The following TNN variants were observed in gnomAD, a reference collection of about 807,000 sequenced individuals.
TNN encodes the protein tenascin N, also known as tenascin-N.
Under a neutral mutation model 134.4 loss-of-function variants are expected in TNN, and 122 were observed. The observed-to-expected ratio is 0.91, with a 90% CI of 0.78 to 1.06. The LOEUF is 1.06. Among genes scored for constraint, TNN ranks in the 50% least tolerant of loss-of-function variants. The probability of loss-of-function intolerance (pLI) is 0.00; values close to 1 mark genes in which losing one functional copy is unlikely to be tolerated. For missense variants in TNN, 1,739 were observed against 1,699.4 expected, an observed-to-expected ratio of 1.02 and a Z score of -0.41; for synonymous variants, 710 against 670.3, an observed-to-expected ratio of 1.06 and a Z score of -0.91.
At chr1:175,087,797 A>T (rs4650697) in intron 6 of TNN, among the ~76,000 whole-genome samples, 1 of 152,010 alleles carries the variant, frequency 6.6e-6, no homozygotes, top group Non-Finnish European at 1.5e-5. Context: ...CACAGTCCCC[A>T]GGTTAGGACC....
Position 175,079,435 on chromosome 1 carries a change from G to T in TNN, c.512G>T (p.Cys171Phe). ...REGPACERLA[C>F]PGACSGHGRC... ...GGCCCCGCCTGCGAGCGGCTGGCCT[G>T]CCCCGGGGCGTGCAGCGGCCACGGG... Residue 171 changes from cysteine to phenylalanine, a missense_variant, in exon 3 of 19, where the codon TGC becomes TTC. Cys to Phe is a radical substitution (Grantham distance 205). Transcript: ENST00000239462. 1.3e-6 allele frequency: 2 copies of T among 1,582,114 alleles called. No homozygotes were observed. Among genetic ancestry groups the T allele is most frequent in the Middle Eastern group, 1.7e-4 (1 of 6,022 alleles).
In TNN at chr1:175,098,444, T is replaced by G; in HGVS notation, c.1968T>G (p.Ser656=). Residue 656 remains serine, a synonymous_variant, in exon 9 of 19, where the codon TCT becomes TCG. Coordinates refer to ENST00000239462, the MANE Select transcript of TNN (RefSeq NM_022093.2). ...AIDKYVVRYT[S]AGGETREVPV... ...ACAAGTACGTGGTGCGCTACACCTCTGCTGGTGGAGAGACCAGGGAGGTTC... is the reference window on the plus strand; with the variant it reads ...ACAAGTACGTGGTGCGCTACACCTCGGCTGGTGGAGAGACCAGGGAGGTTC... 1 of 1,614,156 alleles carries G rather than the reference T, an allele frequency of 6.2e-7. No individual in the cohort carries two copies. Among genetic ancestry groups the G allele is most frequent in the Non-Finnish European group, 8.5e-7 (1 of 1,180,014 alleles).
At chr1:175,137,830 G>A (rs1057293078) in intron 17 of TNN, among the ~76,000 whole-genome samples, 3 of 152,226 alleles carry the variant, frequency 2.0e-5, no homozygotes, top group African/African-American at 7.2e-5. Flanking sequence ...CTGACCGACT[G>A]TATAAGACAT....
intron 7 of TNN, among the ~76,000 whole-genome samples, chr1:175,096,807 G>A (rs1224045104): frequency 2.6e-5 from 4 of 152,158 alleles, no homozygotes; most frequent in African/African-American, 9.7e-5. Context: ...TACACGGCTT[G>A]TCCAAAGTTA....
At chr1:175,112,598 C>CTGTTTTTTTTTTT (rs1675058784) in intron 9 of TNN, among the ~76,000 whole-genome samples, 1 of 21,974 alleles carries the variant, frequency 4.6e-5, no homozygotes, top group Non-Finnish European at 8.3e-5. Flanking sequence ...GCCGGCCGAT[C>CTGTTTTTTTTTTT]TTTTTTTTTT....
chr1:175,128,585 T>G lies in TNN; in HGVS notation c.3179-10T>G, dbSNP rs1675591069. 1 of 1,607,900 alleles carries G rather than the reference T, an allele frequency of 6.2e-7. No individual in the cohort carries two copies. Among genetic ancestry groups the G allele is most frequent in the East Asian group, 2.3e-5 (1 of 44,386 alleles). On this transcript the variant is annotated splice_polypyrimidine_tract_variant and intron_variant, in intron 14 of 18. Transcript: ENST00000239462. ...TTGTCCTAACAACACTCTCTCTGCT[T>G]GGCTCCCAGTTGGTGCCCGTTTCCC...
chr1:175,109,569 C>T (rs1201226406), intron 9 of TNN, among the ~76,000 whole-genome samples: 2 of 151,770 alleles, frequency 1.3e-5, no homozygotes, highest in African/African-American at 4.8e-5. Context: ...TTTCACTTAA[C>T]ATAATAACCT....
At chr1:175,110,425 T>C (rs1040713900) in intron 9 of TNN, among the ~76,000 whole-genome samples, 16 of 152,242 alleles carry the variant, frequency 1.1e-4, no homozygotes, top group Non-Finnish European at 4.4e-5. Flanking sequence ...TTTGCAGTCT[T>C]ACCCAAAATA....
Position 175,077,636 on chromosome 1 carries a change from T to C in TNN, c.218T>C (p.Leu73Ser), listed in dbSNP as rs1445708860. Residue 73 changes from leucine to serine, a missense_variant, in exon 2 of 19, where the codon TTG (leucine) becomes TCG (serine). Coordinates refer to ENST00000239462, the MANE Select transcript of TNN (RefSeq NM_022093.2). ...QPLSDDGASL[L>S]ALGEAREEQN... is the part of the protein sequence containing the mutation. ...CTCAGTGACGATGGGGCTTCGCTCTTGGCCCTGGGGGAGGCCAGGGAGGAA... is the reference window on the plus strand; with the variant it reads ...CTCAGTGACGATGGGGCTTCGCTCTCGGCCCTGGGGGAGGCCAGGGAGGAA... The C allele has an allele frequency of 6.2e-7, 1 of 1,614,190 alleles. No homozygotes were observed. Among genetic ancestry groups the C allele is most frequent in the East Asian group, 2.2e-5 (1 of 44,884 alleles).
intron 9 of TNN, among the ~76,000 whole-genome samples, chr1:175,113,152 T>C (rs1474333721): frequency 6.6e-6 from 1 of 152,228 alleles, no homozygotes; most frequent in Non-Finnish European, 1.5e-5. Context: ...CCAGTGAGTT[T>C]ATACTTTTCT....
In TNN at chr1:175,146,911, T is replaced by G. The variant is rs79452257; in HGVS notation, c.3760-20T>G. 85 of 260,874 alleles carry G rather than the reference T, an allele frequency of 3.3e-4. No homozygotes were observed. The African/African-American group carries it at 7.9e-3, about 24-fold the overall frequency. The allele number at this position is 260,874 out of a possible 1,614,324, so 16.2% of individuals were successfully genotyped here. ...CCTAAGAGCCTCTTCTTGATGTGGC[T>G]TTTTTTTTTTTTTTGGTAGGGGGTG... On this transcript the variant is annotated intron_variant, in intron 18 of 18. Transcript: ENST00000239462.
At chr1:175,090,094 A>G (rs1239621145) in intron 6 of TNN, among the ~76,000 whole-genome samples, 1 of 152,228 alleles carries the variant, frequency 6.6e-6, no homozygotes, top group African/African-American at 2.4e-5. Flanking sequence ...TCTGGTCCTT[A>G]TAATATCAAT....
At chr1:175,087,448 T>A (rs1674344047) in intron 6 of TNN, among the ~76,000 whole-genome samples, 1 of 152,252 alleles carries the variant, frequency 6.6e-6, no homozygotes, top group East Asian at 1.9e-4. Context: ...AGGCAGCTTC[T>A]TGCATAACTC....
At chr1:175,128,452 T>A (rs1430293717) in intron 14 of TNN, 143 bp from the exon 15 acceptor site, 1 of 1,056,464 alleles carries the variant, frequency 9.5e-7, no homozygotes, top group African/African-American at 1.6e-5. Context: ...AAAAATAAGA[T>A]ATGAGTGAAG....
At chr1:175,087,634 A>AT (rs750759897) in intron 6 of TNN, among the ~76,000 whole-genome samples, 4 of 152,224 alleles carry the variant, frequency 2.6e-5, no homozygotes, top group Non-Finnish European at 5.9e-5. Context: ...TCTGGAAGTG[A>AT]TTTTTCCCCA....
Position 175,085,453 on chromosome 1 carries a change from GA to G in TNN, c.1284del (p.Glu429SerfsTer9). ...AAGATCACGGTGGTGCCCATGAGAG[GA>G]GAGCTGGAGGGCAAGCCGATCCTCC... is the stretch of plus-strand genomic sequence containing the variant. The part of the protein sequence containing the change: ...EYKITVVPMR[G>X]ELEGKPILLN... On this transcript the variant is annotated frameshift_variant, in exon 6 of 19. Coordinates refer to ENST00000239462, the MANE Select transcript of TNN (RefSeq NM_022093.2). LOFTEE classifies it high-confidence loss of function. 1 of 1,613,150 alleles carries G rather than the reference GA, an allele frequency of 6.2e-7. No individual in the cohort carries two copies. The highest frequency in any genetic ancestry group is 8.5e-7 in the Non-Finnish European group (1 of 1,179,590).
At chr1:175,087,163 C>G (rs547563631) in intron 6 of TNN, among the ~76,000 whole-genome samples, 82 of 152,274 alleles carry the variant, frequency 5.4e-4, no homozygotes, top group Non-Finnish European at 1.1e-3. Context: ...AGGTTAAGGA[C>G]ATGCCTGGGA....
rs545664728 is a variant in TNN, at chr1:175,119,265, C to A, written c.2650+441C>A. ...ACAAGAGGTGGATTATTCATACCTC[C>A]CCTTTTTAGACCATATAGGGTGACT... On this transcript the variant is annotated intron_variant, in intron 11 of 18. Coordinates refer to ENST00000239462, the MANE Select transcript of TNN (RefSeq NM_022093.2). Among the ~76,000 whole-genome samples the A allele has an allele frequency of 3.0e-4, 45 of 152,324 alleles. No homozygotes were observed. In the South Asian group the frequency reaches 8.7e-3, roughly 29 times the overall value.
At chr1:175,113,345 T>A (rs1675085930) in intron 9 of TNN, among the ~76,000 whole-genome samples, 1 of 152,130 alleles carries the variant, frequency 6.6e-6, no homozygotes, top group Admixed American at 6.6e-5. Flanking sequence ...AGTTGACAGC[T>A]TTTTTTCCAC....
Sources: allele counts gnomAD v4.1 joint callset (sites outside exome capture counted in the v4.1 genomes callset), GRCh38; gene constraint gnomAD v4.1.1; transcripts MANE v1.5; gene names NCBI Gene and HGNC (gene_info 2026-07-23, HGNC 2026-07-21).